The following SBNO2 variants were observed in gnomAD, a reference collection of about 807,000 sequenced individuals.
The protein encoded by SBNO2 is protein strawberry notch homolog 2.
SBNO2 carries 89 observed loss-of-function variants against 146.3 expected under a neutral mutation model. The ratio of observed to expected loss-of-function variants is 0.61; its 90% CI spans 0.51 to 0.73. SBNO2 has a LOEUF of 0.73. Among genes scored for constraint, SBNO2 ranks in the 30% least tolerant of loss-of-function variants. SBNO2 has a pLI of 0.00. For missense variants in SBNO2, 2,092 were observed against 2,003.7 expected, an observed-to-expected ratio of 1.04 and a Z score of -0.84; for synonymous variants, 1,147 against 892.6, an observed-to-expected ratio of 1.29 and a Z score of -5.08.
chr19:1,143,578 G>A (rs901013107), intron 4 of SBNO2, among the ~76,000 whole-genome samples: 3 of 152,270 alleles, frequency 2.0e-5, no homozygotes, highest in East Asian at 1.9e-4. Context: ...GGTCCCTCCC[G>A]GGGGCTCCAG....
rs571418875 is a variant in SBNO2 at position 1,111,372 on chromosome 19, C to T, written c.2809+134G>A. The T allele has an allele frequency of 4.6e-5, 34 of 744,822 alleles. No individual in the cohort carries two copies. The African/African-American group carries it at 4.7e-4, about 10-fold the overall frequency. The allele number at this position is 744,822 out of a possible 1,614,324, so 46.1% of individuals were successfully genotyped here. On this transcript the variant is annotated intron_variant, in intron 24 of 31. Transcript: ENST00000361757. ...CCTTGGCTCCCTTTGCCTTCACAGCCCTCTCTGTCCGTGTGTGGGGAGGGG... is the reference window on the plus strand; with the variant it reads ...CCTTGGCTCCCTTTGCCTTCACAGCTCTCTCTGTCCGTGTGTGGGGAGGGG...
At chr19:1,142,206 C>CCCT (rs1555724988) in intron 4 of SBNO2, among the ~76,000 whole-genome samples, 43 of 850 alleles carry the variant, frequency 0.051, no homozygotes, top group South Asian at 0.14. Context: ...TCAATGACCT[C>CCCT]CCTCATGATC....
At chr19:1,141,453 G>C (rs1209702204) in intron 4 of SBNO2, among the ~76,000 whole-genome samples, 1 of 152,098 alleles carries the variant, frequency 6.6e-6, no homozygotes, top group African/African-American at 2.4e-5. Context: ...AAGCTCAGGT[G>C]ATCTGCCCGC....
rs1180753121 is a variant in SBNO2 at position 1,112,905 on chromosome 19, C to T, written c.2292G>A (p.Thr764=). The part of the protein sequence containing the change: ...KGRVVSRPDG[T]VAFESRAEQG... Reference sequence around the variant, plus strand: ...GCTCTGCCCGCGACTCGAAGGCCACCGTCCCGTCGGGCCTGGACACCACGC... The same window carrying T: ...GCTCTGCCCGCGACTCGAAGGCCACTGTCCCGTCGGGCCTGGACACCACGC... The change falls in exon 20 of 32, where the codon ACG becomes ACA. Residue 764 remains threonine (T), a synonymous_variant. Transcript: ENST00000361757. This position sits in a 1 kb window ranked among gnomAD's most constrained non-coding sequence, Gnocchi z 5.9. 5 of 1,569,486 alleles carry T rather than the reference C, an allele frequency of 3.2e-6. No homozygotes were observed. Among genetic ancestry groups the T allele is most frequent in the Middle Eastern group, 1.7e-4 (1 of 6,018 alleles).
At position 1,109,713 on chromosome 19, in the gene SBNO2, G is replaced by C. The variant is rs2079731187; in HGVS notation, c.3093C>G (p.His1031Gln). 6.2e-7 allele frequency: 1 copy of C among 1,607,528 alleles called. No individual in the cohort carries two copies. Residue 1031 changes from histidine to glutamine, a missense_variant, in exon 27 of 32, where the codon CAC (histidine) becomes CAG (glutamine). Transcript: ENST00000361757. This position sits in a 1 kb window ranked among gnomAD's most constrained non-coding sequence, Gnocchi z 4.2. ...ESQQVFLAPG[H>Q]PQDGQVVFYK... is the part of the protein sequence containing the mutation. Reference sequence around the variant, plus strand: ...AGAAGACCACCTGCCCGTCCTGCGGGTGCCCGGGAGCCAGGAACACCTGCT... The same window carrying C: ...AGAAGACCACCTGCCCGTCCTGCGGCTGCCCGGGAGCCAGGAACACCTGCT...
chr19:1,128,034 T>G (rs1368388444), intron 4 of SBNO2: 11 of 543,058 alleles, frequency 2.0e-5, no homozygotes, highest in Non-Finnish European at 3.0e-5. Flanking sequence ...CAGCCTGGTT[T>G]TGAACTCCTG....
rs759751371 is a variant in SBNO2, at chr19:1,108,216, C to T, written c.*4G>A. ...TCTTGGGGCATGTTTCGCCTAAAGGCGTGTCAGAGAGGAGCCTGGGCGCCG... is the reference window on the plus strand; with the variant it reads ...TCTTGGGGCATGTTTCGCCTAAAGGTGTGTCAGAGAGGAGCCTGGGCGCCG... On this transcript the variant is annotated 3_prime_UTR_variant, in exon 32 of 32. Coordinates refer to ENST00000361757, the MANE Select transcript of SBNO2 (RefSeq NM_014963.3). 2.6e-6 allele frequency: 4 copies of T among 1,526,012 alleles called. No individual in the cohort carries two copies. Among genetic ancestry groups the T allele is most frequent in the South Asian group, 2.4e-5 (2 of 83,250 alleles). 94.5% of individuals were successfully genotyped at this position (1,526,012 alleles called of 1,614,324 possible). A position where few individuals can be genotyped will look rare whatever the true frequency, so the allele number is the denominator to read the frequency against.
intron 4 of SBNO2, among the ~76,000 whole-genome samples, chr19:1,145,203 A>T (rs978112586): frequency 1.3e-5 from 2 of 151,892 alleles, no homozygotes; most frequent in African/African-American, 4.8e-5. Context: ...ACGGTGGCTC[A>T]CGCCTGTAAT....
At chr19:1,111,720 C>A in intron 23 of SBNO2, 106 bp from the exon 24 acceptor site, 1 of 773,730 alleles carries the variant, frequency 1.3e-6, no homozygotes, top group Non-Finnish European at 2.1e-6. Flanking sequence ...CTGGACCCTG[C>A]CCTCCCCTAG....
At position 1,113,539 on chromosome 19, in the gene SBNO2, G is replaced by T; in HGVS notation, c.2243C>A (p.Ala748Glu). Residue 748 changes from alanine (A) to glutamate (E), a missense_variant, in exon 19 of 32, where the codon GCG (alanine) becomes GAG (glutamate). Transcript: ENST00000361757. ...IDQLGGPQRVAEMTGRKGRVV... is the reference protein window; with the variant it reads ...IDQLGGPQRVEEMTGRKGRVV... ...CAGCTGCCACGTCCCACCCACCTCC[G>T]CCACCCGCTGGGGGCCGCCCAGCTG... 6.3e-7 allele frequency: 1 copy of T among 1,587,456 alleles called. No individual in the cohort carries two copies. Among genetic ancestry groups the T allele is most frequent in the Non-Finnish European group, 8.6e-7 (1 of 1,169,496 alleles).
chr19:1,115,759 T>A, intron 17 of SBNO2: 1 of 561,280 alleles, frequency 1.8e-6, no homozygotes, highest in Non-Finnish European at 3.2e-6. Flanking sequence ...CCCGCGTCCG[T>A]GTCCCGCCCC....
rs1017867459 is a variant in SBNO2 at position 1,173,719 on chromosome 19, G to A, written c.-127+453C>T. 3 of 152,340 alleles carry A rather than the reference G, an allele frequency of 2.0e-5. No individual in the cohort carries two copies. Among genetic ancestry groups the A allele is most frequent in the African/African-American group, 7.2e-5 (3 of 41,388 alleles). The allele number at this position is 152,340 out of a possible 1,614,324, so 9.4% of individuals were successfully genotyped here. ...GAGAGTCCCCAAAAGGGAAGGCCAG[G>A]ATACCGAGGAAAAGCGGGTGCGGGG... On this transcript the variant is annotated intron_variant, in intron 1 of 31. Transcript: ENST00000361757. This position sits in a 1 kb window ranked among gnomAD's most constrained non-coding sequence, Gnocchi z 4.7.
Position 1,112,387 on chromosome 19 carries a change from C to A in SBNO2, c.2515+15G>T. On this transcript the variant is annotated intron_variant, in intron 21 of 31. Coordinates refer to ENST00000361757, the MANE Select transcript of SBNO2 (RefSeq NM_014963.3). This position sits in a 1 kb window ranked among gnomAD's most constrained non-coding sequence, Gnocchi z 5.9. ...GGGCGGGGCCAGGCAGCGCTGGGGGCGGGGCCGGACTCACCGAACTGCTGG... is the reference window on the plus strand; with the variant it reads ...GGGCGGGGCCAGGCAGCGCTGGGGGAGGGGCCGGACTCACCGAACTGCTGG... 1.3e-6 allele frequency: 2 copies of A among 1,590,280 alleles called. No individual in the cohort carries two copies. The highest frequency in any genetic ancestry group is 8.5e-7 in the Non-Finnish European group (1 of 1,171,888).
intron 1 of SBNO2, among the ~76,000 whole-genome samples, chr19:1,165,790 CCCCAGACCCCAGAT>C (rs1599885431): frequency 1.1e-4 from 4 of 35,992 alleles, no homozygotes; most frequent in East Asian, 9.9e-4. Context: ...AGATCCCAGA[CCCCAGACCCCAGAT>C]CCCAGACCCC....
chr19:1,166,750 T>C (rs12459067), intron 1 of SBNO2, among the ~76,000 whole-genome samples: 53,099 of 152,052 alleles, frequency 0.35, 9,564 homozygotes, highest in East Asian at 0.45. Flanking sequence ...GACGTTAAGC[T>C]AAATCCCCAC....
chr19:1,163,766 G>A (rs760736010), intron 1 of SBNO2, among the ~76,000 whole-genome samples: 12 of 152,230 alleles, frequency 7.9e-5, no homozygotes, highest in African/African-American at 1.2e-4. Context: ...AGCATGCTGG[G>A]GGACGGCCCC....
intron 11 of SBNO2, 60 bp downstream of exon 11, chr19:1,122,079 T>C: frequency 6.4e-6 from 4 of 628,028 alleles, no homozygotes; most frequent in Non-Finnish European, 6.2e-6. Flanking sequence ...TCCTCCATCC[T>C]CCTTTTCCCT....
intron 1 of SBNO2, among the ~76,000 whole-genome samples, chr19:1,167,021 A>C (rs544564133): frequency 5.3e-5 from 8 of 152,378 alleles, no homozygotes; most frequent in African/African-American, 1.9e-4. Context: ...AAATGTCACA[A>C]GGACCTGCAT....
In SBNO2 at chr19:1,112,480, G is replaced by T; in HGVS notation, c.2437C>A (p.Arg813Ser). The change falls in exon 21 of 32, where the codon CGT (arginine) becomes AGT (serine). Residue 813 changes from arginine to serine, a missense_variant. By Grantham distance (110) the Arg-to-Ser change is moderately radical. Transcript: ENST00000361757. The surrounding 1 kb of genome is among the most constrained non-coding windows in gnomAD (Gnocchi z 5.9). ...SSGVSLQADR[R>S]VQNQRRRVHM... ...ACGCGGCGCCGCTGGTTCTGGACAC[G>T]GCGGTCGGCTTGGAGGGAGACACCC... The T allele has an allele frequency of 6.2e-7, 1 of 1,607,268 alleles. No individual in the cohort carries two copies. Among genetic ancestry groups the T allele is most frequent in the Admixed American group, 1.7e-5 (1 of 59,770 alleles).
Sources: gnomAD v4.1 joint callset for allele counts (sites outside exome capture counted in the v4.1 genomes callset) on GRCh38, gnomAD v4.1.1 for gene constraint, Gnocchi (gnomAD v3.1) non-coding constraint, MANE v1.5 for transcripts, NCBI Gene and HGNC (gene_info 2026-07-23, HGNC 2026-07-21) for gene names.